SUGCT: variants seen among roughly 807,000 people sequenced by gnomAD.
SUGCT encodes the protein succinyl-CoA:glutarate-CoA transferase.
Under a neutral mutation model 55.0 loss-of-function variants are expected in SUGCT, and 41 were observed. The observed-to-expected ratio is 0.74, with a 90% CI of 0.58 to 0.97. SUGCT has a LOEUF of 0.97. SUGCT is among the 50% of genes least tolerant of loss of function. SUGCT has a pLI of 0.00. For missense variants in SUGCT, 568 were observed against 547.8 expected (o/e 1.04, Z -0.37); for synonymous variants, 187 against 200.4 (o/e 0.93, Z 0.56).
chr7:40,358,539 C>T (rs1167887629), intron 9 of SUGCT, among the ~76,000 whole-genome samples: 3 of 152,014 alleles, frequency 2.0e-5, no homozygotes, highest in Non-Finnish European at 4.4e-5. Flanking sequence ...ATGGTGAAAC[C>T]CTGTCTCTAC....
At chr7:40,946,986 G>T in the SUGCT span, among the ~76,000 whole-genome samples, 2 of 152,136 alleles carry the variant, frequency 1.3e-5, no homozygotes. Flanking sequence ...CTTTTTGGAT[G>T]TGTAGATTAA....
At chr7:40,598,047 T>G (rs971517329) in intron 12 of SUGCT, among the ~76,000 whole-genome samples, 1 of 152,188 alleles carries the variant, frequency 6.6e-6, no homozygotes, top group African/African-American at 2.4e-5. Flanking sequence ...TCCATCTCTG[T>G]CACATAGTGT....
chr7:40,177,581 CT>C (rs780904084), intron 1 of SUGCT, among the ~76,000 whole-genome samples: 1 of 152,066 alleles, frequency 6.6e-6, no homozygotes, highest in East Asian at 1.9e-4. Context: ...TCTTATTTCT[CT>C]TTGTTAATAT....
chr7:40,633,154 A>T (rs1799869655), intron 12 of SUGCT, among the ~76,000 whole-genome samples: 1 of 152,206 alleles, frequency 6.6e-6, no homozygotes, highest in Non-Finnish European at 1.5e-5. Context: ...TGGCTAGAGG[A>T]GGAATTGTGT....
chr7:40,389,921 A>C (rs1444268131), intron 9 of SUGCT, among the ~76,000 whole-genome samples: 1 of 152,198 alleles, frequency 6.6e-6, no homozygotes, highest in East Asian at 1.9e-4. Context: ...CAGCACATCA[A>C]AAAGCTTATC....
At chr7:40,248,328 C>T (rs563136056) in intron 7 of SUGCT, among the ~76,000 whole-genome samples, 53 of 151,950 alleles carry the variant, frequency 3.5e-4, no homozygotes, top group Non-Finnish European at 4.3e-4. Context: ...TTGATTCTTA[C>T]TTTTAGGGTT....
the SUGCT span, among the ~76,000 whole-genome samples, chr7:40,913,833 G>T: frequency 1.3e-5 from 2 of 152,122 alleles, no homozygotes; most frequent in African/African-American, 4.8e-5. Context: ...GAGCCAAACT[G>T]AAATGCACAA....
At chr7:40,784,860 C>G (rs892876040) in intron 13 of SUGCT, among the ~76,000 whole-genome samples, 1 of 152,272 alleles carries the variant, frequency 6.6e-6, no homozygotes, top group Admixed American at 6.5e-5. Flanking sequence ...AAATAAGTAA[C>G]TTTACCTACT....
chr7:40,325,094 AG>A lies in SUGCT; in HGVS notation c.816+8241del, dbSNP rs1203027494. 1.3e-5 allele frequency among the ~76,000 whole-genome samples: 2 copies of A among 152,230 alleles called. 1 individual carries two copies. The highest frequency in any genetic ancestry group is 2.9e-5 in the Non-Finnish European group (2 of 68,048). On this transcript the variant is annotated intron_variant, in intron 9 of 13. Coordinates refer to ENST00000335693, the MANE Select transcript of SUGCT (RefSeq NM_001193313.2). ...ATTTGGCAGAAGCAGAGACTCAGAC[AG>A]GCAGTAAATTCCAAGTTTGAAGATA...
chr7:40,513,407 G>A (rs1394242496), intron 12 of SUGCT, among the ~76,000 whole-genome samples: 7 of 152,092 alleles, frequency 4.6e-5, no homozygotes, highest in African/African-American at 1.4e-4. Context: ...ACTACAACTG[G>A]GCTAAGCTAA....
At chr7:40,310,140 C>A (rs1007280923) in intron 8 of SUGCT, among the ~76,000 whole-genome samples, 6 of 152,142 alleles carry the variant, frequency 3.9e-5, no homozygotes, top group Admixed American at 3.9e-4. Flanking sequence ...TAAACACTAC[C>A]TCAGCCAGGT....
chr7:40,189,115 G>A (rs7809368), intron 4 of SUGCT, among the ~76,000 whole-genome samples: 77,607 of 152,008 alleles, frequency 0.51, 20,212 homozygotes, highest in Middle Eastern at 0.65. Flanking sequence ...TGGCTGAGGC[G>A]GGCGGATCAC....
At chr7:40,929,890 A>G in the SUGCT span, among the ~76,000 whole-genome samples, 1 of 152,140 alleles carries the variant, frequency 6.6e-6, no homozygotes, top group Non-Finnish European at 1.5e-5. Flanking sequence ...CTCTGATGGT[A>G]GTTTCTTTTG....
chr7:40,659,603 A>G (rs1267540855), intron 12 of SUGCT, among the ~76,000 whole-genome samples: 2 of 152,372 alleles, frequency 1.3e-5, no homozygotes, highest in South Asian at 2.1e-4. Flanking sequence ...ACACAGATAT[A>G]TGAATACCAA....
At chr7:40,470,854 T>C (rs1790370596) in intron 11 of SUGCT, among the ~76,000 whole-genome samples, 1 of 152,136 alleles carries the variant, frequency 6.6e-6, no homozygotes, top group Non-Finnish European at 1.5e-5. Flanking sequence ...TAAATTTACA[T>C]TTTCCTTTTT....
At chr7:40,941,428 G>C in the SUGCT span, among the ~76,000 whole-genome samples, 2 of 152,082 alleles carry the variant, frequency 1.3e-5, no homozygotes, top group East Asian at 3.9e-4. Flanking sequence ...TTCCACTGTG[G>C]TCTGAGAAGA....
At chr7:40,826,331 AT>A (rs199986715) in intron 13 of SUGCT, among the ~76,000 whole-genome samples, 2,279 of 151,788 alleles carry the variant, frequency 0.015, 144 homozygotes, top group East Asian at 0.097. Flanking sequence ...ATATTTTATG[AT>A]TTTTTTTTCC....
intron 8 of SUGCT, among the ~76,000 whole-genome samples, chr7:40,283,559 G>C (rs1446927120): frequency 6.6e-6 from 1 of 151,962 alleles, no homozygotes; most frequent in Non-Finnish European, 1.5e-5. Context: ...CATACAAGTG[G>C]CCAACAAGTA....
intron 12 of SUGCT, among the ~76,000 whole-genome samples, chr7:40,682,271 C>G (rs1208676492): frequency 1.3e-5 from 2 of 152,298 alleles, no homozygotes; most frequent in Admixed American, 6.5e-5. Flanking sequence ...TCTCTTTCAT[C>G]TGGCTGCTCA....
Sources: allele counts gnomAD v4.1 joint callset (sites outside exome capture counted in the v4.1 genomes callset), GRCh38; gene constraint gnomAD v4.1.1; transcripts MANE v1.5; gene names NCBI Gene and HGNC (gene_info 2026-07-23, HGNC 2026-07-21).